Variants in LNPEP observed in about 807,000 individuals in gnomAD.
LNPEP encodes leucyl-cystinyl aminopeptidase.
LNPEP carries 64 observed loss-of-function variants against 120.6 expected under a neutral mutation model. The ratio of observed to expected loss-of-function variants is 0.53; its 90% confidence interval spans 0.43 to 0.65. LNPEP has a LOEUF of 0.65. Ranked by LOEUF, LNPEP falls within the 30% of genes least tolerant of loss-of-function variation. LNPEP has a pLI of 0.00. For synonymous variants in LNPEP, 435 were observed against 425.4 expected (o/e 1.02, Z -0.28); for missense variants, 1,057 against 1,200.0 (o/e 0.88, Z 1.76).
In LNPEP at chr5:96,950,050, C is replaced by T. The variant is rs528571488; in HGVS notation, c.19+13876C>T. ...TCTTATTAGTGTTCATTCAGCTTCCCTTTCCACTGAAATGAATTTATTGAG... is the reference window on the plus strand; with the variant it reads ...TCTTATTAGTGTTCATTCAGCTTCCTTTTCCACTGAAATGAATTTATTGAG... On this transcript the variant is annotated intron_variant, in intron 1 of 17. Transcript: ENST00000231368. 7.9e-5 allele frequency among the ~76,000 whole-genome samples: 12 copies of T among 152,234 alleles called. No individual in the cohort carries two copies. The South Asian group carries it at 2.3e-3, about 29-fold the overall frequency.
chr5:97,001,684 G>A (rs975298075), intron 8 of LNPEP, among the ~76,000 whole-genome samples: 1 of 152,106 alleles, frequency 6.6e-6, no homozygotes, highest in African/African-American at 2.4e-5. Flanking sequence ...AGACGAGACC[G>A]AGAAGGATGG....
chr5:96,996,382 C>T lies in LNPEP; in HGVS notation c.1408-8C>T, dbSNP rs773637547. 3.7e-6 allele frequency: 1 copy of T among 267,914 alleles called. No homozygotes were observed. Among genetic ancestry groups the T allele is most frequent in the Non-Finnish European group, 4.8e-6 (1 of 207,936 alleles). 16.6% of individuals were successfully genotyped at this position (267,914 alleles called of 1,614,324 possible). A position where few individuals can be genotyped will look rare whatever the true frequency, so the allele number is the denominator to read the frequency against. ...ATCCTGTGGGTTAATTGTTTTCTCT[C>T]CCCCCAGTGGTTTGGCAATCTGGTA... On this transcript the variant is annotated splice_region_variant and splice_polypyrimidine_tract_variant and intron_variant, in intron 6 of 17. Transcript: ENST00000231368.
At chr5:96,943,487 A>G (rs953059893) in intron 1 of LNPEP, among the ~76,000 whole-genome samples, 2 of 152,150 alleles carry the variant, frequency 1.3e-5, no homozygotes, top group African/African-American at 4.8e-5. Context: ...GAGTTTTGCC[A>G]TGTTGGCCAG....
At chr5:96,945,698 C>T (rs10077945) in intron 1 of LNPEP, among the ~76,000 whole-genome samples, 61,363 of 151,798 alleles carry the variant, frequency 0.4, 12,471 homozygotes, top group Non-Finnish European at 0.43. Flanking sequence ...TAATGAGGTG[C>T]GTCTGACCCC....
At chr5:97,007,821 G>C (rs1288447479) in intron 11 of LNPEP, among the ~76,000 whole-genome samples, 2 of 152,028 alleles carry the variant, frequency 1.3e-5, no homozygotes, top group African/African-American at 2.4e-5. Flanking sequence ...AATTTTTTAA[G>C]GAATGCTTTT....
intron 2 of LNPEP, among the ~76,000 whole-genome samples, chr5:96,984,320 A>C (rs1790192729): frequency 6.6e-6 from 1 of 152,204 alleles, no homozygotes; most frequent in Non-Finnish European, 1.5e-5. Flanking sequence ...ATAAGTGATT[A>C]ACTTCTTTTA....
intron 11 of LNPEP, among the ~76,000 whole-genome samples, chr5:97,012,737 G>A (rs191922782): frequency 6.6e-6 from 1 of 152,126 alleles, no homozygotes; most frequent in East Asian, 1.9e-4. Flanking sequence ...ATATTTTGTG[G>A]TCAGTTAACT....
intron 11 of LNPEP, among the ~76,000 whole-genome samples, chr5:97,007,370 G>A (rs753643344): frequency 2.2e-4 from 34 of 152,220 alleles, no homozygotes; most frequent in South Asian, 4.1e-4. Flanking sequence ...GGCGAGTTAT[G>A]TGAGCCTCAT....
chr5:96,945,042 GTTA>G (rs1789153211), intron 1 of LNPEP, among the ~76,000 whole-genome samples: 1 of 152,010 alleles, frequency 6.6e-6, no homozygotes, highest in Non-Finnish European at 1.5e-5. Context: ...AGAATAGATG[GTTA>G]TTATCTCTTA....
intron 1 of LNPEP, among the ~76,000 whole-genome samples, chr5:96,944,615 C>T (rs1039108878): frequency 5.1e-5 from 6 of 118,038 alleles, no homozygotes; most frequent in African/African-American, 2.0e-4. Context: ...GTCACCCAGA[C>T]TGGAGTGCAG....
At chr5:96,965,629 G>C (rs1386649548) in intron 1 of LNPEP, among the ~76,000 whole-genome samples, 1 of 152,114 alleles carries the variant, frequency 6.6e-6, no homozygotes, top group Non-Finnish European at 1.5e-5. Context: ...AATTCTTAGA[G>C]TAGAGTGCCT....
intron 7 of LNPEP, 76 bp downstream of exon 7, chr5:96,996,579 T>A: frequency 1.3e-6 from 1 of 798,478 alleles, no homozygotes; most frequent in Non-Finnish European, 2.2e-6. Flanking sequence ...ATGTATTTTC[T>A]GTGCATCTGG....
At position 96,986,396 on chromosome 5, in the gene LNPEP, T is replaced by C. The variant is rs1378355320; in HGVS notation, c.1000-143T>C. On this transcript the variant is annotated intron_variant, in intron 3 of 17. Transcript: ENST00000231368. ...CAGACTGAGACTAGGAGCCATGCTC[T>C]TTGCAGAAATTCATACTGAGAGGTT... is the stretch of plus-strand genomic sequence containing the variant. 3.9e-5 allele frequency: 29 copies of C among 748,822 alleles called. No homozygotes were observed. In the East Asian group the frequency reaches 7.8e-4, roughly 20 times the overall value. 46.4% of individuals were successfully genotyped at this position (748,822 alleles called of 1,614,324 possible).
At chr5:97,004,440 A>G (rs1032211398) in intron 9 of LNPEP, among the ~76,000 whole-genome samples, 3 of 152,054 alleles carry the variant, frequency 2.0e-5, no homozygotes, top group African/African-American at 7.3e-5. Context: ...TGAATCTGGT[A>G]AGCAGAGGTT....
At chr5:97,024,819 TGAG>T in intron 15 of LNPEP, 137 bp downstream of exon 15, 1 of 706,746 alleles carries the variant, frequency 1.4e-6, no homozygotes, top group Non-Finnish European at 2.3e-6. Context: ...GACAGTGTGG[TGAG>T]GAGACTACAG....
chr5:96,958,236 A>G (rs1018571736), intron 1 of LNPEP, among the ~76,000 whole-genome samples: 1 of 152,346 alleles, frequency 6.6e-6, no homozygotes, highest in African/African-American at 2.4e-5. Context: ...GTCCGAGTGC[A>G]AAATTTGTCT....
rs570824544 is a variant in LNPEP at position 96,996,648 on chromosome 5, T to G, written c.1521+145T>G. The stretch of plus-strand genomic sequence containing the variant: ...ACTTGACTTTGGTTATTGATATCTA[T>G]ACCTTTTGAGATTTGACAATGAAAG... On this transcript the variant is annotated intron_variant, in intron 7 of 17. Transcript: ENST00000231368. 1.8e-5 allele frequency: 10 copies of G among 558,442 alleles called. No homozygotes were observed. In the East Asian group the frequency reaches 3.0e-4, roughly 17 times the overall value. 34.6% of individuals were successfully genotyped at this position (558,442 alleles called of 1,614,324 possible).
chr5:96,954,659 CATATATACAT>C lies in LNPEP; in HGVS notation c.19+18491_19+18500del, dbSNP rs1789403126. Among the ~76,000 whole-genome samples, 3 of 117,176 alleles carry C rather than the reference CATATATACAT, an allele frequency of 2.6e-5. 1 individual carries two copies. The highest frequency in any genetic ancestry group is 5.0e-5 in the Non-Finnish European group (3 of 59,482). The allele number at this position is 117,176 out of a possible 152,430, so 76.9% of individuals were successfully genotyped here. On this transcript the variant is annotated intron_variant, in intron 1 of 17. Coordinates refer to ENST00000231368, the MANE Select transcript of LNPEP (RefSeq NM_005575.3). Reference sequence around the variant, plus strand: ...ATATATACATATATACATATATACACATATATACATATATACACATATATACATATATACA... The same window carrying C: ...ATATATACATATATACATATATACACATATACACATATATACATATATACA...
At chr5:96,951,328 A>G (rs974886454) in intron 1 of LNPEP, among the ~76,000 whole-genome samples, 2 of 151,644 alleles carry the variant, frequency 1.3e-5, no homozygotes, top group Admixed American at 6.6e-5. Context: ...GCGCGATCTC[A>G]GCTCACTGCA....
Sources: gnomAD v4.1 joint callset for allele counts (sites outside exome capture counted in the v4.1 genomes callset) on GRCh38, gnomAD v4.1.1 for gene constraint, MANE v1.5 for transcripts, NCBI Gene and HGNC (gene_info 2026-07-23, HGNC 2026-07-21) for gene names.